The following STXBP2 variants were observed in gnomAD, a reference collection of about 807,000 sequenced individuals.
The protein encoded by STXBP2 is syntaxin binding protein 2, also known as syntaxin-binding protein 2.
STXBP2 carries 47 observed loss-of-function variants against 72.2 expected under a neutral mutation model. The observed-to-expected ratio is 0.65, with a 90% CI of 0.51 to 0.83. The LOEUF (loss-of-function observed/expected upper bound fraction) is 0.83. STXBP2 is among the 40% of genes least tolerant of loss of function. The pLI, the probability that STXBP2 is intolerant of heterozygous loss-of-function variation, is 0.00. For synonymous variants in STXBP2, 367 were observed against 338.7 expected (o/e 1.08, Z -0.92); for missense variants, 702 against 807.6 (o/e 0.87, Z 1.58).
At chr19:7,630,351 A>G in the STXBP2 span, 1 of 576,222 alleles carries the variant, frequency 1.7e-6, no homozygotes, top group Non-Finnish European at 3.1e-6. Context: ...TGAGAGGAAG[A>G]CTCCAGCTCA....
chr19:7,633,265 A>G (rs529644930), upstream of STXBP2: 18 of 912,680 alleles, frequency 2.0e-5, no homozygotes, highest in East Asian at 4.5e-4. Context: ...CCCCAAGCCC[A>G]CCAGCCCCTT....
Position 7,646,268 on chromosome 19 carries a change from G to A in STXBP2, c.1376G>A (p.Arg459Gln), listed in dbSNP as rs201164454. ...CTGTAGGGCTCGGGGACCTCCAGCCGGCTGGAGCCGAGAGAACGCATGGAG... is the reference window on the plus strand; with the variant it reads ...CTGTAGGGCTCGGGGACCTCCAGCCAGCTGGAGCCGAGAGAACGCATGGAG... ...TNPGGSGTSS[R>Q]LEPRERMEPT... The change falls in exon 16 of 19, where the codon CGG becomes CAG. Residue 459 changes from arginine to glutamine, a missense_variant. By Grantham distance (43) the Arg-to-Gln change is conservative. Transcript: ENST00000221283. 70 of 1,608,708 alleles carry A rather than the reference G, an allele frequency of 4.4e-5. 1 individual carries two copies. The South Asian group carries it at 5.7e-4, about 13-fold the overall frequency.
In STXBP2 at chr19:7,641,242, C is replaced by T. The variant is rs1283732090; in HGVS notation, c.429+239C>T. ...GAAATTAGCTTGGCGTGGTGGCGTGCACCTGTAGTCCTAGCTACTCATGGG... is the reference window on the plus strand; with the variant it reads ...GAAATTAGCTTGGCGTGGTGGCGTGTACCTGTAGTCCTAGCTACTCATGGG... On this transcript the variant is annotated intron_variant, in intron 6 of 18. Coordinates refer to ENST00000221283, the MANE Select transcript of STXBP2 (RefSeq NM_006949.4). The T allele has an allele frequency of 1.0e-5, 6 of 572,534 alleles. No homozygotes were observed. In the East Asian group the frequency reaches 1.6e-4, roughly 16 times the overall value. The allele number at this position is 572,534 out of a possible 1,614,324, so 35.5% of individuals were successfully genotyped here.
chr19:7,644,604 A>C lies in STXBP2; in HGVS notation c.1108-10A>C. 3.7e-6 allele frequency: 6 copies of C among 1,611,470 alleles called. No homozygotes were observed. Among genetic ancestry groups the C allele is most frequent in the Non-Finnish European group, 5.1e-6 (6 of 1,179,712 alleles). ...TAGCGGCCGGTGGACGGCTGACCCC[A>C]TGCCCGCAGGACCTGGCCATGGGCT... On this transcript the variant is annotated splice_polypyrimidine_tract_variant and intron_variant, in intron 13 of 18. Transcript: ENST00000221283.
At chr19:7,632,088 C>T (rs576649661), upstream of STXBP2, 1,987 of 556,420 alleles carry the variant, frequency 3.6e-3, 13 homozygotes, top group Non-Finnish European at 4.2e-3. This position sits in a 1 kb window ranked among gnomAD's most constrained non-coding sequence, Gnocchi z 5.2. Context: ...TGTGAGCTTA[C>T]GTGACTTCCT....
At chr19:7,633,702 T>G, upstream of STXBP2, 4 of 558,686 alleles carry the variant, frequency 7.2e-6, no homozygotes, top group South Asian at 8.9e-5. Flanking sequence ...GACCTCGCTG[T>G]GCCCAGCAGC....
Position 7,644,583 on chromosome 19 carries a change from G to A in STXBP2, c.1108-31G>A, listed in dbSNP as rs1308312892. 35 of 1,608,448 alleles carry A rather than the reference G, an allele frequency of 2.2e-5. No individual in the cohort carries two copies. The East Asian group carries it at 2.9e-4, about 13-fold the overall frequency. On this transcript the variant is annotated intron_variant, in intron 13 of 18. Coordinates refer to ENST00000221283, the MANE Select transcript of STXBP2 (RefSeq NM_006949.4). ...CCCATCCCCTTCCCTGACACATAGC[G>A]GCCGGTGGACGGCTGACCCCATGCC... is the stretch of plus-strand genomic sequence containing the variant.
intron 4 of STXBP2, 123 bp downstream of exon 4, chr19:7,639,930 ATGTG>A (rs767951168): frequency 1.5e-5 from 6 of 411,506 alleles, no homozygotes; most frequent in African/African-American, 3.3e-5. Context: ...GTCCATGTGT[ATGTG>A]TGTGCATGTG....
chr19:7,632,886 A>T, upstream of STXBP2: 2 of 1,532,232 alleles, frequency 1.3e-6, no homozygotes, highest in Non-Finnish European at 1.8e-6. The surrounding 1 kb of genome is among the most constrained non-coding windows in gnomAD (Gnocchi z 5.2). Context: ...CCCCTCCCCA[A>T]ACTTCCTAGC....
chr19:7,632,724 G>A (rs1335249398), upstream of STXBP2: 1 of 1,559,736 alleles, frequency 6.4e-7, no homozygotes, highest in Admixed American at 1.9e-5. The surrounding 1 kb of genome is among the most constrained non-coding windows in gnomAD (Gnocchi z 5.2). Context: ...ACGGCTCTTG[G>A]TGGTCTGGCC....
chr19:7,645,344 G>T, intron 15 of STXBP2, 38 bp downstream of exon 15: 1 of 1,543,686 alleles, frequency 6.5e-7, no homozygotes, highest in Non-Finnish European at 8.8e-7. Context: ...CCTGGGAGAG[G>T]GTGCGGATCA....
rs780396326 is a variant in STXBP2 at position 7,642,280 on chromosome 19, C to T, written c.741C>T (p.Leu247=). 3.7e-6 allele frequency: 6 copies of T among 1,614,034 alleles called. No homozygotes were observed. Among genetic ancestry groups the T allele is most frequent in the East Asian group, 2.2e-5 (1 of 44,888 alleles). ...CCGTGTCCCCACTACTGCATGAGCT[C>T]ACGTTCCAGGCCATGGCGTATGATC... ...ADPVSPLLHE[L]TFQAMAYDLL... Residue 247 remains leucine, a synonymous_variant, in exon 9 of 19, where the codon CTC becomes CTT. Coordinates refer to ENST00000221283, the MANE Select transcript of STXBP2 (RefSeq NM_006949.4). The surrounding 1 kb of genome is among the most constrained non-coding windows in gnomAD (Gnocchi z 6.0).
the STXBP2 span, chr19:7,630,818 T>A: frequency 2.0e-6 from 3 of 1,537,226 alleles, no homozygotes; most frequent in South Asian, 3.6e-5. Context: ...GACTTTTCCT[T>A]ACAGAGGGAG....
At chr19:7,643,323 TG>T in intron 13 of STXBP2, 78 bp downstream of exon 13, 2 of 873,504 alleles carry the variant, frequency 2.3e-6, no homozygotes, top group Non-Finnish European at 1.7e-6. Flanking sequence ...ACTGTAGAGA[TG>T]GGGGGTTCTG....
At chr19:7,639,935 TGTGC>T (rs2031731537) in intron 4 of STXBP2, 128 bp downstream of exon 4, 2 of 427,378 alleles carry the variant, frequency 4.7e-6, no homozygotes, top group Non-Finnish European at 7.9e-6. Context: ...TGTGTATGTG[TGTGC>T]ATGTGTGTGC....
chr19:7,640,578 G>T, intron 4 of STXBP2, 153 bp from the exon 5 acceptor site: 1 of 912,620 alleles, frequency 1.1e-6, no homozygotes, highest in South Asian at 1.4e-5. Context: ...GTGTGCCCAT[G>T]TGGGTGCGAC....
Position 7,642,290 on chromosome 19 carries a change from G to C in STXBP2, c.751G>C (p.Ala251Pro), listed in dbSNP as rs747657429. 5 of 1,614,122 alleles carry C rather than the reference G, an allele frequency of 3.1e-6. No individual in the cohort carries two copies. In the Admixed American group the frequency reaches 8.3e-5, roughly 27 times the overall value. The change falls in exon 9 of 19, where the codon GCC becomes CCC. Residue 251 changes from alanine to proline, a missense_variant. Ala to Pro is a conservative substitution (Grantham distance 27). Transcript: ENST00000221283. This position sits in a 1 kb window ranked among gnomAD's most constrained non-coding sequence, Gnocchi z 6.0. ...SPLLHELTFQ[A>P]MAYDLLDIEQ... Reference sequence around the variant, plus strand: ...ACTACTGCATGAGCTCACGTTCCAGGCCATGGCGTATGATCTGCTGGACAT... The same window carrying C: ...ACTACTGCATGAGCTCACGTTCCAGCCCATGGCGTATGATCTGCTGGACAT...
the STXBP2 span, chr19:7,630,223 G>T: frequency 1.1e-5 from 5 of 455,060 alleles, no homozygotes; most frequent in African/African-American, 7.9e-5. Flanking sequence ...AAGTGGAGTT[G>T]AAGAGTGACG....
intron 6 of STXBP2, 178 bp downstream of exon 6, chr19:7,641,181 G>A (rs1023767927): frequency 7.1e-6 from 5 of 706,024 alleles, no homozygotes; most frequent in Admixed American, 2.1e-5. Context: ...CCTGGGTACA[G>A]AGCAAGACCC....
Sources: gnomAD v4.1 joint callset for allele counts on GRCh38, gnomAD v4.1.1 for gene constraint, Gnocchi (gnomAD v3.1) non-coding constraint, MANE v1.5 for transcripts, NCBI Gene and HGNC (gene_info 2026-07-23, HGNC 2026-07-21) for gene names.